ITLN1: variants seen among roughly 807,000 people sequenced by gnomAD.
ITLN1 encodes intelectin-1.
A neutral mutation model predicts 36.2 loss-of-function variants in ITLN1; 29 were observed. The observed-to-expected ratio is 0.80, with a 90% CI of 0.60 to 1.09. ITLN1 has a LOEUF of 1.09. Among genes scored for constraint, ITLN1 ranks in the 50% least tolerant of loss-of-function variants. The pLI is 0.00. For missense variants in ITLN1, 358 were observed against 405.2 expected (o/e 0.88, Z 1.00); for synonymous variants, 143 against 146.5 (o/e 0.98, Z 0.17).
At chr1:160,879,180 GAGA>G in intron 7 of ITLN1, 128 bp downstream of exon 7, 1 of 724,336 alleles carries the variant, frequency 1.4e-6, no homozygotes, top group South Asian at 1.6e-5. Flanking sequence ...CAATGAGCAA[GAGA>G]AGGTCACACT....
intron 7 of ITLN1, 115 bp from the exon 8 acceptor site, chr1:160,876,931 G>A: frequency 9.5e-7 from 1 of 1,055,104 alleles, no homozygotes; most frequent in Non-Finnish European, 1.4e-6. Context: ...TCCATTGACA[G>A]TGTTGATCTA....
Position 160,883,492 on chromosome 1 carries a change from A to G in ITLN1, c.93T>C (p.Cys31=), listed in dbSNP as rs771418411. 6.2e-7 allele frequency: 1 copy of G among 1,613,454 alleles called. No individual in the cohort carries two copies. The highest frequency in any genetic ancestry group is 8.5e-7 in the Non-Finnish European group (1 of 1,179,438). Residue 31 remains cysteine (C), a synonymous_variant, in exon 3 of 8, where the codon TGT becomes TGC. Transcript: ENST00000326245. ...EANTYFKEWT[C]SSSPSLPRSC... The stretch of plus-strand genomic sequence containing the variant: ...TTCTGGGCAGAGATGGAGACGAAGA[A>G]CAGGTCCATTCCTTGAAGTAAGTAT...
Position 160,880,715 on chromosome 1 carries a change from A to C in ITLN1, c.565-7T>G, listed in dbSNP as rs1415488489. ...CATATTTCACTGGATATTTCTACAA[A>C]GAACACAGAAAAAGTCATGGAGTAA... On this transcript the variant is annotated splice_polypyrimidine_tract_variant and splice_region_variant and intron_variant, in intron 5 of 7. Coordinates refer to ENST00000326245, the MANE Select transcript of ITLN1 (RefSeq NM_017625.3). 1.2e-6 allele frequency: 2 copies of C among 1,614,064 alleles called. No individual in the cohort carries two copies. Among genetic ancestry groups the C allele is most frequent in the Admixed American group, 3.3e-5 (2 of 59,992 alleles).
rs753437252 is a variant in ITLN1, at chr1:160,881,251, G to T, written c.467C>A (p.Ser156Tyr). 1.2e-6 allele frequency: 2 copies of T among 1,613,014 alleles called. No homozygotes were observed. The highest frequency in any genetic ancestry group is 1.7e-6 in the Non-Finnish European group (2 of 1,179,434). ...GCTGTTTCTCCAGTGCTGCATGGGG[G>T]ACTTATTGGGCACGTGCCAGATGCC... is the stretch of plus-strand genomic sequence containing the variant. The part of the protein sequence containing the change: ...DLGIWHVPNK[S>Y]PMQHWRNSSL... The change falls in exon 5 of 8, where the codon TCC (serine) becomes TAC (tyrosine). Residue 156 changes from serine (S) to tyrosine (Y), a missense_variant. Ser to Tyr is a moderately radical substitution (Grantham distance 144). Coordinates refer to ENST00000326245, the MANE Select transcript of ITLN1 (RefSeq NM_017625.3).
chr1:160,879,898 C>T (rs1010544613), intron 6 of ITLN1, among the ~76,000 whole-genome samples: 1 of 152,118 alleles, frequency 6.6e-6, no homozygotes, highest in Non-Finnish European at 1.5e-5. Context: ...AATAAACTCA[C>T]AATAGAAAAA....
chr1:160,878,059 T>C (rs1174165070), intron 7 of ITLN1, among the ~76,000 whole-genome samples: 1 of 152,068 alleles, frequency 6.6e-6, no homozygotes, highest in Non-Finnish European at 1.5e-5. Context: ...ACCCAGCTAC[T>C]TGGGAGGCTG....
intron 6 of ITLN1, among the ~76,000 whole-genome samples, chr1:160,880,118 A>G (rs1188704955): frequency 6.6e-6 from 1 of 152,156 alleles, no homozygotes; most frequent in Non-Finnish European, 1.5e-5. Context: ...CAGCCTGGCC[A>G]ACATGGTGAA....
chr1:160,879,154 G>C (rs544280591), intron 7 of ITLN1, among the ~76,000 whole-genome samples, 157 bp downstream of exon 7: 3 of 152,176 alleles, frequency 2.0e-5, no homozygotes, highest in Non-Finnish European at 4.4e-5. Context: ...CCATGGCCCT[G>C]GCCCCTGAAG....
chr1:160,880,511 G>A (rs973188651), intron 6 of ITLN1, 77 bp downstream of exon 6: 9 of 1,459,290 alleles, frequency 6.2e-6, no homozygotes, highest in African/African-American at 5.6e-5. Context: ...GCTTCAGTCC[G>A]ATGCATAACT....
chr1:160,881,436 A>C, intron 4 of ITLN1, 124 bp from the exon 5 acceptor site: 1 of 1,107,098 alleles, frequency 9.0e-7, no homozygotes, highest in Non-Finnish European at 1.2e-6. Context: ...GGCCAACCAT[A>C]CTCAGACACC....
At chr1:160,883,341 A>T in intron 3 of ITLN1, 87 bp downstream of exon 3, 1 of 874,572 alleles carries the variant, frequency 1.1e-6, no homozygotes, top group Non-Finnish European at 1.9e-6. Flanking sequence ...ACTTTACCAT[A>T]ATTTTTTAAC....
chr1:160,884,693 T>G, intron 2 of ITLN1, 127 bp downstream of exon 2: 1 of 657,392 alleles, frequency 1.5e-6, no homozygotes, highest in Non-Finnish European at 2.8e-6. Context: ...AGACCAGAAA[T>G]CGGCACTCAG....
At position 160,876,772 on chromosome 1, in the gene ITLN1, C is replaced by G; in HGVS notation, c.834G>C (p.Gln278His). 1 of 1,614,222 alleles carries G rather than the reference C, an allele frequency of 6.2e-7. No individual in the cohort carries two copies. Among genetic ancestry groups the G allele is most frequent in the South Asian group, 1.1e-5 (1 of 91,092 alleles). The change falls in exon 8 of 8, where the codon CAG becomes CAC. Residue 278 changes from glutamine to histidine, a missense_variant. Gln to His is a conservative substitution (Grantham distance 24, BLOSUM62 0). Coordinates refer to ENST00000326245, the MANE Select transcript of ITLN1 (RefSeq NM_017625.3). ...GGGYFPEASP[Q>H]QCGDFSGFDW... ...CAAAACCAGAAAAATCTCCACACTG[C>G]TGGGGACTGGCCTCTGGAAAGTATC...
At chr1:160,879,212 C>T (rs1050266907) in intron 7 of ITLN1, 99 bp downstream of exon 7, 3 of 867,378 alleles carry the variant, frequency 3.5e-6, no homozygotes, top group South Asian at 1.4e-5. Flanking sequence ...CGTACACACA[C>T]ACCCCAGTCA....
intron 2 of ITLN1, 121 bp downstream of exon 2, chr1:160,884,699 C>T (rs1670729370): frequency 3.0e-6 from 2 of 674,862 alleles, no homozygotes; most frequent in African/African-American, 1.8e-5. Context: ...GAAATCGGCA[C>T]TCAGTCTACA....
intron 2 of ITLN1, 45 bp from the exon 3 acceptor site, chr1:160,883,571 A>G (rs1327683254): frequency 7.4e-7 from 1 of 1,343,428 alleles, no homozygotes; most frequent in Non-Finnish European, 1.1e-6. Context: ...TTTGACACAA[A>G]ACCTACCCTC....
chr1:160,879,291 C>T lies in ITLN1; in HGVS notation c.789+20G>A, dbSNP rs755844382. On this transcript the variant is annotated intron_variant, in intron 7 of 7. Coordinates refer to ENST00000326245, the MANE Select transcript of ITLN1 (RefSeq NM_017625.3). ...ACTCGACCTTACTCACAGGTCCCTG[C>T]AGTCCCCACAGAGACTCACGTGCTC... The T allele has an allele frequency of 8.2e-6, 13 of 1,578,434 alleles. No individual in the cohort carries two copies. The highest frequency in any genetic ancestry group is 1.1e-5 in the South Asian group (1 of 90,354).
At chr1:160,881,803 A>C (rs1571142499) in intron 4 of ITLN1, among the ~76,000 whole-genome samples, 154 bp downstream of exon 4, 1 of 67,802 alleles carries the variant, frequency 1.5e-5, no homozygotes, top group Admixed American at 1.7e-4. Context: ...CTCCGTCTCA[A>C]GAAAAAAAAA....
At chr1:160,882,292 G>A in intron 3 of ITLN1, 88 bp from the exon 4 acceptor site, 1 of 1,495,046 alleles carries the variant, frequency 6.7e-7, no homozygotes, top group Non-Finnish European at 9.0e-7. Flanking sequence ...AGGAACCAGA[G>A]ACATGGCCTA....
Sources: gnomAD v4.1 joint callset for allele counts (sites outside exome capture counted in the v4.1 genomes callset) on GRCh38, gnomAD v4.1.1 for gene constraint, MANE v1.5 for transcripts, NCBI Gene and HGNC (gene_info 2026-07-23, HGNC 2026-07-21) for gene names.